Variants in SOS1 observed in about 807,000 individuals in gnomAD.
SOS1 encodes son of sevenless homolog 1.
A neutral mutation model predicts 157.6 loss-of-function variants in SOS1; 25 were observed. That is an observed-to-expected ratio of 0.16 (90% CI 0.12 to 0.22). SOS1 has a LOEUF of 0.22. Among genes scored for constraint, SOS1 ranks in the 10% least tolerant of loss-of-function variants. The pLI, the probability that SOS1 is intolerant of heterozygous loss-of-function variation, is 1.00. For synonymous variants in SOS1, 528 were observed against 534.0 expected (o/e 0.99, Z 0.16); for missense variants, 1,237 against 1,599.1 (o/e 0.77, Z 3.86).
chr2:39,103,490 A>G (rs1222696376), intron 1 of SOS1, among the ~76,000 whole-genome samples: 1 of 152,242 alleles, frequency 6.6e-6, no homozygotes, highest in Non-Finnish European at 1.5e-5. Context: ...ATACCAAAAT[A>G]AACTGATACA....
chr2:39,060,527 G>A (rs6739807), intron 2 of SOS1, among the ~76,000 whole-genome samples: 133,594 of 152,224 alleles, frequency 0.88, 58,726 homozygotes, highest in Non-Finnish European at 0.91. Context: ...TCAGGTTCAA[G>A]TGATTCTCCC....
intron 1 of SOS1, among the ~76,000 whole-genome samples, chr2:39,096,467 G>A (rs1050127795): frequency 2.6e-5 from 4 of 152,174 alleles, no homozygotes; most frequent in Non-Finnish European, 5.9e-5. Flanking sequence ...CTATATTCAT[G>A]TATTACTTTG....
At chr2:39,023,625 A>G (rs933917166) in intron 9 of SOS1, among the ~76,000 whole-genome samples, 2 of 152,284 alleles carry the variant, frequency 1.3e-5, no homozygotes, top group Non-Finnish European at 1.5e-5. Context: ...AGCACATATT[A>G]TAATCAGGAA....
At chr2:39,124,497 A>ACGGGGG (rs1674008151), upstream of SOS1, among the ~76,000 whole-genome samples, 3 of 152,302 alleles carry the variant, frequency 2.0e-5, no homozygotes, top group East Asian at 3.9e-4. Context: ...GGCGGCGAGG[A>ACGGGGG]CGGGGGCGGG....
chr2:39,122,296 G>A (rs929892343), upstream of SOS1, among the ~76,000 whole-genome samples: 2 of 152,084 alleles, frequency 1.3e-5, no homozygotes, highest in African/African-American at 4.8e-5. Flanking sequence ...CGAGCATGGT[G>A]GTGGGCGCCT....
In SOS1 at chr2:38,986,183, G is replaced by C; in HGVS notation, c.3643C>G (p.Pro1215Ala). 6.2e-7 allele frequency: 1 copy of C among 1,613,928 alleles called. No individual in the cohort carries two copies. The highest frequency in any genetic ancestry group is 8.5e-7 in the Non-Finnish European group (1 of 1,179,890). The change falls in exon 23 of 23, where the codon CCA becomes GCA. Residue 1215 changes from proline to alanine, a missense_variant. By Grantham distance (27) the Pro-to-Ala change is conservative. Around this residue, in one of 15 missense-constraint regions of SOS1, gnomAD observed 306 missense variants for 322.6 expected, o/e 0.95. Coordinates refer to ENST00000402219, the MANE Select transcript of SOS1 (RefSeq NM_005633.4). ...GGTGTCCTCACAGGTTCTCGTGGTG[G>C]TAATAAGGGAGGGCTTTCAGGAGGG... ...SDPPESPPLL[P>A]PREPVRTPDV... is the part of the protein sequence containing the mutation.
chr2:38,991,319 AATCTTCC>A (rs1219851147), intron 20 of SOS1, among the ~76,000 whole-genome samples: 4 of 152,132 alleles, frequency 2.6e-5, no homozygotes, highest in African/African-American at 7.2e-5. Context: ...CACCTACAGC[AATCTTCC>A]AGGAGGAAAA....
intron 1 of SOS1, among the ~76,000 whole-genome samples, chr2:39,082,347 A>C (rs988988114): frequency 2.0e-5 from 3 of 152,234 alleles, no homozygotes; most frequent in Non-Finnish European, 4.4e-5. Context: ...AAGCAGAATA[A>C]GACAAAGTTC....
chr2:38,994,132 A>T (rs1668818370), intron 20 of SOS1, among the ~76,000 whole-genome samples: 1 of 152,206 alleles, frequency 6.6e-6, no homozygotes, highest in Admixed American at 6.5e-5. Flanking sequence ...GATTTTAAAG[A>T]TTTAGAACAA....
intron 6 of SOS1, among the ~76,000 whole-genome samples, chr2:39,050,791 A>C (rs1670986574): frequency 6.6e-6 from 1 of 152,192 alleles, no homozygotes; most frequent in South Asian, 2.1e-4. Flanking sequence ...TAAGCAGCAG[A>C]GCTTAGACTG....
intron 6 of SOS1, among the ~76,000 whole-genome samples, chr2:39,048,946 T>G (rs966051852): frequency 6.6e-6 from 1 of 152,010 alleles, no homozygotes; most frequent in Non-Finnish European, 1.5e-5. Flanking sequence ...TTTTTTGAGA[T>G]GGAGTCTTGC....
At chr2:39,049,574 T>C (rs1312033145) in intron 6 of SOS1, among the ~76,000 whole-genome samples, 2 of 152,228 alleles carry the variant, frequency 1.3e-5, no homozygotes, top group East Asian at 1.9e-4. Flanking sequence ...CATGTTGTAA[T>C]TGTTGATTTT....
rs372916497 is a variant in SOS1, at chr2:39,063,825, A to AT, written c.213+3802dup. 5.3e-4 allele frequency among the ~76,000 whole-genome samples: 79 copies of AT among 149,494 alleles called. No individual in the cohort carries two copies. The East Asian group carries it at 7.4e-3, about 14-fold the overall frequency. On this transcript the variant is annotated intron_variant, in intron 2 of 22. Transcript: ENST00000402219. ...TTAAAGCAAAGTGTATTCTTTAAAC[A>AT]TTTTTTTTTTCAAACTTCTTTTTTC...
intron 22 of SOS1, among the ~76,000 whole-genome samples, 167 bp downstream of exon 22, chr2:38,987,302 GAAGA>G (rs1314046328): frequency 6.6e-6 from 1 of 152,100 alleles, no homozygotes; most frequent in African/African-American, 2.4e-5. Flanking sequence ...ACTACCTTCA[GAAGA>G]AAGAAACATT....
chr2:39,103,301 A>G (rs924006810), intron 1 of SOS1, among the ~76,000 whole-genome samples: 3 of 152,190 alleles, frequency 2.0e-5, no homozygotes, highest in African/African-American at 4.8e-5. Flanking sequence ...AGAAACGGAA[A>G]TGCTGACCCT....
rs1162152205 is a variant in SOS1 at position 39,120,559 on chromosome 2, C to G, written c.-137G>C. 2.5e-5 allele frequency: 25 copies of G among 1,009,656 alleles called. No homozygotes were observed. Among genetic ancestry groups the G allele is most frequent in the Admixed American group, 5.6e-5 (1 of 17,988 alleles). 62.5% of individuals were successfully genotyped at this position (1,009,656 alleles called of 1,614,324 possible). A position where few individuals can be genotyped will look rare whatever the true frequency, so the allele number is the denominator to read the frequency against. Reference sequence around the variant, plus strand: ...CCGGCCCCCTCCGGGCGCCGCGCAGCCGGGCTAGCCCTGGCGAGGGGGCTG... The same window carrying G: ...CCGGCCCCCTCCGGGCGCCGCGCAGGCGGGCTAGCCCTGGCGAGGGGGCTG... On this transcript the variant is annotated 5_prime_UTR_variant, in exon 1 of 23. Transcript: ENST00000402219.
Position 38,997,055 on chromosome 2 carries a change from G to T in SOS1, c.2965-17C>A, listed in dbSNP as rs1028117923. 11 of 1,320,776 alleles carry T rather than the reference G, an allele frequency of 8.3e-6. No individual in the cohort carries two copies. The highest frequency in any genetic ancestry group is 1.2e-5 in the Non-Finnish European group (11 of 923,008). The allele number at this position is 1,320,776 out of a possible 1,614,324, so 81.8% of individuals were successfully genotyped here. ...AAAGAACCTCTAAAATAAATGCAAA[G>T]AAAAAATTATTAATATTCAAAATTA... On this transcript the variant is annotated splice_polypyrimidine_tract_variant and intron_variant, in intron 18 of 22. Transcript: ENST00000402219.
At chr2:38,989,041 G>A (rs955259314) in intron 21 of SOS1, among the ~76,000 whole-genome samples, 6 of 148,192 alleles carry the variant, frequency 4.0e-5, no homozygotes, top group African/African-American at 1.5e-4. Context: ...TATTTAATAT[G>A]TTCTTTTAAG....
chr2:38,988,437 T>TA lies in SOS1; in HGVS notation c.3391+832dup, dbSNP rs551826446. 1.7e-3 allele frequency among the ~76,000 whole-genome samples: 261 copies of TA among 152,178 alleles called. 1 individual carries two copies. The highest frequency in any genetic ancestry group is 5.8e-3 in the African/African-American group (242 of 41,554). ...TTAAGTTAGTTGTTTATACCTACTA[T>TA]AAAAAAAGATGTGAAAAAAATACTT... On this transcript the variant is annotated intron_variant, in intron 21 of 22. Coordinates refer to ENST00000402219, the MANE Select transcript of SOS1 (RefSeq NM_005633.4).
Sources: allele counts gnomAD v4.1 joint callset (sites outside exome capture counted in the v4.1 genomes callset), GRCh38; gene constraint gnomAD v4.1.1; regional missense constraint gnomAD v4.1.1; transcripts MANE v1.5; gene names NCBI Gene and HGNC (gene_info 2026-07-23, HGNC 2026-07-21).